The following PRKD1 variants were observed in gnomAD, a reference collection of about 807,000 sequenced individuals.
The protein encoded by PRKD1 is serine/threonine-protein kinase D1.
PRKD1 carries 63 observed loss-of-function variants against 95.9 expected under a neutral mutation model. That is an observed-to-expected ratio of 0.66 (90% CI 0.54 to 0.81). The LOEUF (loss-of-function observed/expected upper bound fraction) is 0.81. Ranked by LOEUF, PRKD1 falls within the 30% of genes least tolerant of loss-of-function variation. PRKD1 has a pLI of 0.00. For synonymous variants in PRKD1, 425 were observed against 423.1 expected (o/e 1.00, Z -0.05); for missense variants, 1,048 against 1,165.3 (o/e 0.90, Z 1.47).
chr14:29,867,195 C>A lies in PRKD1; in HGVS notation c.264+60054G>T, dbSNP rs567272772. Among the ~76,000 whole-genome samples the A allele has an allele frequency of 1.3e-3, 201 of 152,098 alleles. 1 individual carries two copies. Among genetic ancestry groups the A allele is most frequent in the Admixed American group, 2.8e-3 (43 of 15,254 alleles). ...CAACATCATTCTGTAGTGGGGGAGA[C>A]AGAAAATAACAAAGCAAATAAATGT... On this transcript the variant is annotated intron_variant, in intron 1 of 17. Coordinates refer to ENST00000331968, the MANE Select transcript of PRKD1 (RefSeq NM_002742.3).
At chr14:29,889,547 T>G (rs1314680033) in intron 1 of PRKD1, among the ~76,000 whole-genome samples, 2 of 152,136 alleles carry the variant, frequency 1.3e-5, no homozygotes, top group African/African-American at 4.8e-5. Context: ...CACCATGGAA[T>G]ACTAAGCAGC....
At chr14:29,704,591 A>G (rs1436414753) in intron 2 of PRKD1, among the ~76,000 whole-genome samples, 1 of 151,912 alleles carries the variant, frequency 6.6e-6, no homozygotes, top group Non-Finnish European at 1.5e-5. Context: ...CAATAATTCC[A>G]CCCACCCCCT....
chr14:29,596,538 G>A (rs1363081651), intron 16 of PRKD1, among the ~76,000 whole-genome samples: 5 of 152,020 alleles, frequency 3.3e-5, no homozygotes, highest in Non-Finnish European at 7.4e-5. Context: ...ATTGCAACCT[G>A]CACCTCCCTG....
intron 1 of PRKD1, among the ~76,000 whole-genome samples, chr14:29,836,286 T>C (rs1433862236): frequency 6.6e-6 from 1 of 152,180 alleles, no homozygotes; most frequent in Non-Finnish European, 1.5e-5. Flanking sequence ...TGAAGAGTTA[T>C]TAAAGATTTT....
chr14:29,638,715 T>C lies in PRKD1; in HGVS notation c.886A>G (p.Arg296Gly), dbSNP rs1369339000. Residue 296 changes from arginine to glycine, a missense_variant, in exon 5 of 18, where the codon AGG becomes GGG. By Grantham distance (125) the Arg-to-Gly change is moderately radical. Transcript: ENST00000331968. The part of the protein sequence containing the change: ...YCKKLLKGLF[R>G]QGLQCKDCRF... ...TTACCTTTGCACTGCAAGCCCTGCC[T>C]GAAAAGCCCCTTCAGAAGCTTCTTG... 4 of 1,614,158 alleles carry C rather than the reference T, an allele frequency of 2.5e-6. No individual in the cohort carries two copies. The highest frequency in any genetic ancestry group is 2.5e-6 in the Non-Finnish European group (3 of 1,180,018).
At chr14:29,588,790 T>TTGTGTGTGTG (rs34773417) in intron 16 of PRKD1, among the ~76,000 whole-genome samples, 3 of 145,326 alleles carry the variant, frequency 2.1e-5, no homozygotes, top group Admixed American at 6.9e-5. Flanking sequence ...ATTCCTAAAG[T>TTGTGTGTGTG]TGTGTGTGTG....
In PRKD1 at chr14:29,578,025, T is replaced by G. The variant is rs112998933; in HGVS notation, c.2520+250A>C. ...ATTTATTTATTTTTGGTTTTGCCTTTTGGTTTTGGGCTGTGTGTGTGTGTG... is the reference window on the plus strand; with the variant it reads ...ATTTATTTATTTTTGGTTTTGCCTTGTGGTTTTGGGCTGTGTGTGTGTGTG... On this transcript the variant is annotated intron_variant, in intron 17 of 17. Transcript: ENST00000331968. Among the ~76,000 whole-genome samples, 937 of 152,146 alleles carry G rather than the reference T, an allele frequency of 6.2e-3. 6 individuals are homozygous for G. Among genetic ancestry groups the G allele is most frequent in the African/African-American group, 0.02 (826 of 41,522 alleles).
chr14:29,875,080 A>G (rs1893239062), intron 1 of PRKD1, among the ~76,000 whole-genome samples: 1 of 152,208 alleles, frequency 6.6e-6, no homozygotes, highest in South Asian at 2.1e-4. Flanking sequence ...AAAACCAATG[A>G]TGAATAAGGT....
Position 29,576,515 on chromosome 14 carries a change from C to G in PRKD1, c.*723G>C, listed in dbSNP as rs773083335. Reference sequence around the variant, plus strand: ...ATATTTTTTATTATTGAAAAATACACAAAGGTGAAAGGTTGCTGAGCAGCT... The same window carrying G: ...ATATTTTTTATTATTGAAAAATACAGAAAGGTGAAAGGTTGCTGAGCAGCT... On this transcript the variant is annotated 3_prime_UTR_variant, in exon 18 of 18. Coordinates refer to ENST00000331968, the MANE Select transcript of PRKD1 (RefSeq NM_002742.3). 1 of 152,498 alleles carries G rather than the reference C, an allele frequency of 6.6e-6. No homozygotes were observed. The highest frequency in any genetic ancestry group is 1.5e-5 in the Non-Finnish European group (1 of 68,028). 9.4% of individuals were successfully genotyped at this position (152,498 alleles called of 1,614,324 possible).
chr14:29,843,333 A>C (rs1276238617), intron 1 of PRKD1, among the ~76,000 whole-genome samples: 1 of 152,190 alleles, frequency 6.6e-6, no homozygotes, highest in Non-Finnish European at 1.5e-5. Flanking sequence ...GAGCATGAGA[A>C]AATAAACTTC....
chr14:29,867,483 G>A (rs537522444), intron 1 of PRKD1, among the ~76,000 whole-genome samples: 1 of 152,318 alleles, frequency 6.6e-6, no homozygotes, highest in East Asian at 1.9e-4. Flanking sequence ...GGTGGCCAGT[G>A]TTGCTGGAAT....
At chr14:29,865,932 T>C (rs1566644327) in intron 1 of PRKD1, among the ~76,000 whole-genome samples, 2 of 152,178 alleles carry the variant, frequency 1.3e-5, no homozygotes, top group Non-Finnish European at 2.9e-5. Flanking sequence ...ACAATAATAA[T>C]TGACAATTCA....
At chr14:29,729,795 T>C (rs1886343103) in intron 1 of PRKD1, among the ~76,000 whole-genome samples, 1 of 152,098 alleles carries the variant, frequency 6.6e-6, no homozygotes, top group Non-Finnish European at 1.5e-5. Flanking sequence ...ATGCAATAAA[T>C]ACTTCAGCAA....
chr14:29,832,926 T>C (rs1891470804), intron 1 of PRKD1, among the ~76,000 whole-genome samples: 1 of 152,098 alleles, frequency 6.6e-6, no homozygotes, highest in African/African-American at 2.4e-5. Context: ...TCACACTTTG[T>C]ATATGCAGCC....
chr14:29,873,788 T>G (rs1235913464), intron 1 of PRKD1, among the ~76,000 whole-genome samples: 2 of 151,656 alleles, frequency 1.3e-5, no homozygotes, highest in Non-Finnish European at 2.9e-5. Flanking sequence ...ATATTAATCT[T>G]ATTTTTATAA....
At chr14:29,896,209 A>C (rs1027181711) in intron 1 of PRKD1, among the ~76,000 whole-genome samples, 4 of 152,224 alleles carry the variant, frequency 2.6e-5, no homozygotes, top group African/African-American at 7.2e-5. Flanking sequence ...AGATGAGAAA[A>C]GAGAACTAAT....
chr14:29,749,535 G>A (rs1316752738), intron 1 of PRKD1, among the ~76,000 whole-genome samples: 3 of 152,126 alleles, frequency 2.0e-5, no homozygotes, highest in Non-Finnish European at 4.4e-5. Context: ...TGCAATCATG[G>A]GAAGAATATG....
chr14:29,882,989 G>T (rs1893568715), intron 1 of PRKD1, among the ~76,000 whole-genome samples: 1 of 152,152 alleles, frequency 6.6e-6, no homozygotes, highest in South Asian at 2.1e-4. Flanking sequence ...ACCTGAGGTT[G>T]GGTAATTTAT....
chr14:29,792,747 C>T (rs1889602304), intron 1 of PRKD1, among the ~76,000 whole-genome samples: 1 of 152,010 alleles, frequency 6.6e-6, no homozygotes, highest in African/African-American at 2.4e-5. Flanking sequence ...AAACTTGCAA[C>T]TCACAAATAC....
Sources: gnomAD v4.1 joint callset for allele counts (sites outside exome capture counted in the v4.1 genomes callset) on GRCh38, gnomAD v4.1.1 for gene constraint, MANE v1.5 for transcripts, NCBI Gene and HGNC (gene_info 2026-07-23, HGNC 2026-07-21) for gene names.